POLR1A: variants seen among roughly 807,000 people sequenced by gnomAD.
POLR1A encodes the protein RNA polymerase I subunit A, also known as DNA-directed RNA polymerase I subunit RPA1.
A neutral mutation model predicts 205.3 loss-of-function variants in POLR1A; 84 were observed. The ratio of observed to expected loss-of-function variants is 0.41; its 90% CI spans 0.34 to 0.49. The LOEUF (loss-of-function observed/expected upper bound fraction) is 0.49, where lower values mean the gene tolerates loss of function less well. Ranked by LOEUF, POLR1A falls within the 20% of genes least tolerant of loss-of-function variation. The probability of loss-of-function intolerance (pLI) is 0.22; values close to 1 mark genes in which losing one functional copy is unlikely to be tolerated. For synonymous variants in POLR1A, 799 were observed against 863.7 expected (o/e 0.93, Z 1.31); for missense variants, 1,645 against 2,204.5 (o/e 0.75, Z 5.08).
intron 3 of POLR1A, among the ~76,000 whole-genome samples, chr2:86,091,679 A>T (rs1159946516): frequency 6.6e-6 from 1 of 152,252 alleles, no homozygotes; most frequent in Non-Finnish European, 1.5e-5. Flanking sequence ...ACTTTAAATG[A>T]AATGGGGAAA....
At position 86,028,217 on chromosome 2, in the gene POLR1A, TG is replaced by T. The variant is rs1558760096; in HGVS notation, c.4898-169del. On this transcript the variant is annotated intron_variant, in intron 32 of 33. Coordinates refer to ENST00000263857, the MANE Select transcript of POLR1A (RefSeq NM_015425.6). The surrounding 1 kb of genome is among the most constrained non-coding windows in gnomAD (Gnocchi z 4.5). ...CGCTACTTAACCCTTCCCCGTGGTC[TG>T]GGGCATCTTTCCCTGACCCCTGCAT... Among the ~76,000 whole-genome samples, 2 of 152,292 alleles carry T rather than the reference TG, an allele frequency of 1.3e-5. No homozygotes were observed. Among genetic ancestry groups the T allele is most frequent in the African/African-American group, 4.8e-5 (2 of 41,562 alleles).
intron 13 of POLR1A, among the ~76,000 whole-genome samples, chr2:86,066,890 T>G (rs1420681799): frequency 1.3e-5 from 2 of 152,190 alleles, no homozygotes; most frequent in Non-Finnish European, 2.9e-5. Flanking sequence ...AAAATTATAC[T>G]CTACCTCTTG....
chr2:86,052,937 C>A lies in POLR1A; in HGVS notation c.2272G>T (p.Ala758Ser), dbSNP rs757186802. The A allele has an allele frequency of 3.0e-5, 48 of 1,608,998 alleles. No homozygotes were observed. Among genetic ancestry groups the A allele is most frequent in the Non-Finnish European group, 4.0e-5 (47 of 1,177,552 alleles). The change falls in exon 16 of 34, where the codon GCC (alanine) becomes TCC (serine). Residue 758 changes from alanine (A) to serine (S), a missense_variant. Around this residue, in one of 16 missense-constraint regions of POLR1A, gnomAD observed 339 missense variants for 415.1 expected, o/e 0.82. Transcript: ENST00000263857. ...TAGCAGCAGTGGACCAGGCCGTAGG[C>A]GGAGCTCCCATAGTGCGCCTTGTCC... ...VLDKAHYGSS[A>S]YGLVHCCYEI...
chr2:86,021,328 G>A lies in POLR1A; in HGVS notation c.*6095C>T, dbSNP rs1410506358. 6.6e-6 allele frequency: 1 copy of A among 152,370 alleles called. No individual in the cohort carries two copies. The highest frequency in any genetic ancestry group is 2.4e-5 in the African/African-American group (1 of 41,456). The allele number at this position is 152,370 out of a possible 1,614,324, so 9.4% of individuals were successfully genotyped here. A position where few individuals can be genotyped will look rare whatever the true frequency, so the allele number is the denominator to read the frequency against. On this transcript the variant is annotated 3_prime_UTR_variant, in exon 34 of 34. Coordinates refer to ENST00000263857, the MANE Select transcript of POLR1A (RefSeq NM_015425.6). The stretch of plus-strand genomic sequence containing the variant: ...GACCCCAGCTTGCAAAAGACATAGA[G>A]GCAGCACTGTGACTGGAACTGAATA...
At chr2:86,067,885 GTGAA>G (rs879460149) in intron 13 of POLR1A, among the ~76,000 whole-genome samples, 2 of 152,132 alleles carry the variant, frequency 1.3e-5, no homozygotes, top group Non-Finnish European at 2.9e-5. Context: ...ACAAAAGAAA[GTGAA>G]TGAAAGTACA....
intron 3 of POLR1A, among the ~76,000 whole-genome samples, chr2:86,090,427 C>T (rs966850814): frequency 6.6e-5 from 10 of 150,448 alleles, no homozygotes; most frequent in Admixed American, 1.3e-4. Flanking sequence ...GAACATCCTA[C>T]GTCCAATAAT....
At position 86,042,099 on chromosome 2, in the gene POLR1A, A is replaced by G; in HGVS notation, c.3362T>C (p.Leu1121Pro). 6.2e-7 allele frequency: 1 copy of G among 1,611,042 alleles called. No individual in the cohort carries two copies. Among genetic ancestry groups the G allele is most frequent in the Non-Finnish European group, 8.5e-7 (1 of 1,178,690 alleles). ...NGRSPGTQEMLRMWYELDEES... is the reference protein window; with the variant it reads ...NGRSPGTQEMPRMWYELDEES... Reference sequence around the variant, plus strand: ...CTCATCCAACTCATACCACATCCTCAGCATCTGAACAGAAGGATGGGTCTC... The same window carrying G: ...CTCATCCAACTCATACCACATCCTCGGCATCTGAACAGAAGGATGGGTCTC... Residue 1121 changes from leucine to proline, a missense_variant, in exon 24 of 34, where the codon CTG becomes CCG. By Grantham distance (98) the Leu-to-Pro change is moderately conservative. Coordinates refer to ENST00000263857, the MANE Select transcript of POLR1A (RefSeq NM_015425.6).
At chr2:86,077,286 C>T (rs896368901) in intron 11 of POLR1A, among the ~76,000 whole-genome samples, 12 of 152,136 alleles carry the variant, frequency 7.9e-5, no homozygotes, top group Non-Finnish European at 1.3e-4. Context: ...AGCTAGCTCC[C>T]GGAGGGGGTC....
intron 24 of POLR1A, 34 bp from the exon 25 acceptor site, chr2:86,040,593 T>G: frequency 6.8e-7 from 1 of 1,476,488 alleles, no homozygotes; most frequent in Non-Finnish European, 9.1e-7. Flanking sequence ...GGGTGGGGGT[T>G]GTGGCAGGGG....
chr2:86,048,951 C>T lies in POLR1A; in HGVS notation c.2567G>A (p.Arg856Lys), dbSNP rs771666817. 1.4e-5 allele frequency: 23 copies of T among 1,613,754 alleles called. 1 individual carries two copies. The South Asian group carries it at 1.9e-4, about 13-fold the overall frequency. ...WQDAHLGKDQRDFNMIDLKFK... is the reference protein window; with the variant it reads ...WQDAHLGKDQKDFNMIDLKFK... Reference sequence around the variant, plus strand: ...CTTCAGATCAATCATGTTAAAATCCCTCTGGTCCTTGCCCAGATGGGCATC... The same window carrying T: ...CTTCAGATCAATCATGTTAAAATCCTTCTGGTCCTTGCCCAGATGGGCATC... Residue 856 changes from arginine to lysine, a missense_variant, in exon 18 of 34, where the codon AGG (arginine) becomes AAG (lysine). Coordinates refer to ENST00000263857, the MANE Select transcript of POLR1A (RefSeq NM_015425.6).
chr2:86,033,714 G>A lies in POLR1A; in HGVS notation c.4108C>T (p.Arg1370Ter). The A allele has an allele frequency of 6.2e-7, 1 of 1,614,040 alleles. No individual in the cohort carries two copies. The highest frequency in any genetic ancestry group is 8.5e-7 in the Non-Finnish European group (1 of 1,180,000). ...TCCAGATCCCGCTGTGTAGCTCTTC[G>A]AGTGTTTACGTTCCTGAAAGCTGAT... ...KASAFRNVNT[R>*]RATQRDLDNA... is the part of the protein sequence containing the mutation. Residue 1370 changes from arginine (R) to a stop codon, truncating the protein, a stop_gained, in exon 28 of 34, where the codon CGA (arginine) becomes TGA (stop). Transcript: ENST00000263857. LOFTEE classifies it high-confidence loss of function.
chr2:86,088,692 T>C, intron 5 of POLR1A, 23 bp from the exon 6 acceptor site: 1 of 1,608,096 alleles, frequency 6.2e-7, no homozygotes, highest in Non-Finnish European at 8.5e-7. Flanking sequence ...ACAGTTGTGA[T>C]TGAAGAGAGA....
intron 3 of POLR1A, among the ~76,000 whole-genome samples, chr2:86,096,936 A>T (rs1673715111): frequency 6.6e-6 from 1 of 152,170 alleles, no homozygotes; most frequent in African/African-American, 2.4e-5. Context: ...CAACCTACGG[A>T]ATAGGAGAAA....
chr2:86,047,768 A>G (rs1672734628), intron 18 of POLR1A, among the ~76,000 whole-genome samples: 1 of 152,178 alleles, frequency 6.6e-6, no homozygotes, highest in Admixed American at 6.5e-5. Context: ...AGAACCAAGC[A>G]TGCCCCTTCA....
At chr2:86,088,238 T>C (rs1016962049) in intron 6 of POLR1A, among the ~76,000 whole-genome samples, 5 of 152,230 alleles carry the variant, frequency 3.3e-5, no homozygotes, top group Admixed American at 2.0e-4. Flanking sequence ...ACACTTGTTT[T>C]ACAGTAAAAT....
Position 86,045,650 on chromosome 2 carries a change from G to A in POLR1A, c.2853C>T (p.Val951=), listed in dbSNP as rs1360267626. The change falls in exon 20 of 34, where the codon GTC becomes GTT. Residue 951 remains valine (V), a synonymous_variant. Transcript: ENST00000263857. ...TGATGCCGGTGAGGAACCTGCCAGT[G>A]ACAAAGCCACCAGCCCTGGGGGTGA... ...YEFTPRAGGF[V]TGRFLTGIKP... The A allele has an allele frequency of 4.3e-6, 7 of 1,614,022 alleles. No homozygotes were observed. Among genetic ancestry groups the A allele is most frequent in the Non-Finnish European group, 5.9e-6 (7 of 1,180,000 alleles).
chr2:86,096,981 T>G (rs1379160377), intron 3 of POLR1A, among the ~76,000 whole-genome samples: 3 of 151,866 alleles, frequency 2.0e-5, no homozygotes, highest in Non-Finnish European at 4.4e-5. Flanking sequence ...GGACAGAGGC[T>G]TAATATCCAG....
At chr2:86,097,564 A>G (rs1186882172) in intron 3 of POLR1A, among the ~76,000 whole-genome samples, 2 of 152,234 alleles carry the variant, frequency 1.3e-5, no homozygotes, top group Non-Finnish European at 2.9e-5. Context: ...TTTGGCCATA[A>G]TAAAGCATGA....
chr2:86,104,110 G>C (rs1250411864), intron 1 of POLR1A, among the ~76,000 whole-genome samples: 1 of 152,174 alleles, frequency 6.6e-6, no homozygotes, highest in Non-Finnish European at 1.5e-5. Context: ...CATTTGGAGG[G>C]TTTTAAGGGT....
Sources: allele counts gnomAD v4.1 joint callset (sites outside exome capture counted in the v4.1 genomes callset), GRCh38; gene constraint gnomAD v4.1.1; regional missense constraint gnomAD v4.1.1; non-coding constraint Gnocchi (gnomAD v3.1); transcripts MANE v1.5; gene names NCBI Gene and HGNC (gene_info 2026-07-23, HGNC 2026-07-21).